PLXNA4: variants seen among roughly 807,000 people sequenced by gnomAD.
PLXNA4 encodes plexin-A4.
PLXNA4 carries 44 observed loss-of-function variants against 191.8 expected under a neutral mutation model. That is an observed-to-expected ratio of 0.23 (90% CI 0.18 to 0.29). PLXNA4 has a LOEUF of 0.29. Among genes scored for constraint, PLXNA4 ranks in the 10% least tolerant of loss-of-function variants. The pLI is 1.00. For missense variants in PLXNA4, 1,800 were observed against 2,488.8 expected (o/e 0.72, Z 5.89); for synonymous variants, 1,082 against 1,009.5 (o/e 1.07, Z -1.36).
chr7:132,513,117 T>C (rs539512830), intron 1 of PLXNA4, among the ~76,000 whole-genome samples: 2 of 152,368 alleles, frequency 1.3e-5, no homozygotes, highest in South Asian at 4.1e-4. Context: ...GACTCATTTA[T>C]AGAAGCTGAT....
At chr7:132,625,560 G>T (rs989500980) in intron 2 of PLXNA4, among the ~76,000 whole-genome samples, 2 of 152,142 alleles carry the variant, frequency 1.3e-5, no homozygotes, top group African/African-American at 4.8e-5. Flanking sequence ...GGTCTGAGAG[G>T]CAGGGTGGAG....
At chr7:132,615,300 G>A (rs1329768465) in intron 2 of PLXNA4, among the ~76,000 whole-genome samples, 1 of 152,114 alleles carries the variant, frequency 6.6e-6, no homozygotes, top group Non-Finnish European at 1.5e-5. Context: ...GGTGGCAGAG[G>A]GAGCAGGGCC....
Position 132,384,632 on chromosome 7 carries a change from C to T in PLXNA4, c.1372-86410G>A, listed in dbSNP as rs1338683669. On this transcript the variant is annotated intron_variant, in intron 3 of 31. Coordinates refer to ENST00000321063, the MANE Select transcript of PLXNA4 (RefSeq NM_020911.2). ...ACTGTTGGCTTCCTTTTCTCTTTCC[C>T]GCAGAGGCTGGGATGGTTCTGAGCA... 12 of 990,132 alleles carry T rather than the reference C, an allele frequency of 1.2e-5. 1 individual carries two copies. The Middle Eastern group carries it at 1.5e-3, about 127-fold the overall frequency. 61.3% of individuals were successfully genotyped at this position (990,132 alleles called of 1,614,324 possible).
intron 2 of PLXNA4, among the ~76,000 whole-genome samples, chr7:132,589,409 TTATA>T (rs1563188361): frequency 1.3e-5 from 2 of 152,186 alleles, no homozygotes; most frequent in African/African-American, 4.8e-5. Flanking sequence ...GAAATAATGT[TTATA>T]TATGTTCTTC....
At chr7:132,522,425 T>G (rs1165384023) in intron 1 of PLXNA4, among the ~76,000 whole-genome samples, 1 of 152,192 alleles carries the variant, frequency 6.6e-6, no homozygotes, top group Non-Finnish European at 1.5e-5. Context: ...AGTCATGCCT[T>G]TCCTCTCTCT....
At chr7:132,325,702 T>C (rs564547901) in intron 3 of PLXNA4, among the ~76,000 whole-genome samples, 1 of 152,242 alleles carries the variant, frequency 6.6e-6, no homozygotes, top group East Asian at 1.9e-4. Context: ...TGCTGACACC[T>C]TAATTTCAGA....
chr7:132,555,891 C>A (rs1214699525), intron 1 of PLXNA4, among the ~76,000 whole-genome samples: 4 of 152,166 alleles, frequency 2.6e-5, no homozygotes, highest in Admixed American at 2.6e-4. Context: ...ATGTTGGAAA[C>A]AATTTATCAG....
chr7:132,292,044 C>T (rs1800911820), intron 4 of PLXNA4, among the ~76,000 whole-genome samples: 2 of 152,200 alleles, frequency 1.3e-5, no homozygotes. Context: ...ACCTGCCCTC[C>T]TCAGCCTCCC....
rs911821057 is a variant in PLXNA4 at position 132,516,195 on chromosome 7, A to G, written c.-86-7416T>C. On this transcript the variant is annotated intron_variant, in intron 1 of 31. Transcript: ENST00000321063. ...CCCTGTTCTAAACCAGGGTTTATAA[A>G]TACTTAAAATACTCCATTTTGTCCT... Among the ~76,000 whole-genome samples the G allele has an allele frequency of 1.6e-4, 25 of 151,978 alleles. 1 individual carries two copies.
At chr7:132,226,300 G>T in intron 7 of PLXNA4, 40 bp from the exon 8 acceptor site, 1 of 1,542,818 alleles carries the variant, frequency 6.5e-7, no homozygotes, top group Non-Finnish European at 8.9e-7. Flanking sequence ...GAATGCTGAG[G>T]CCCCAAGCCA....
intron 13 of PLXNA4, among the ~76,000 whole-genome samples, chr7:132,197,230 G>T (rs1036262642): frequency 6.6e-6 from 1 of 151,860 alleles, no homozygotes; most frequent in African/African-American, 2.4e-5. Context: ...AATTTATTTT[G>T]GTGTGTAATG....
At chr7:132,555,669 C>T (rs552033075) in intron 1 of PLXNA4, among the ~76,000 whole-genome samples, 15 of 152,320 alleles carry the variant, frequency 9.8e-5, no homozygotes, top group Admixed American at 5.9e-4. Context: ...AACATGCTGA[C>T]GCCACACAGC....
intron 3 of PLXNA4, among the ~76,000 whole-genome samples, chr7:132,411,024 G>A (rs899717072): frequency 2.6e-5 from 4 of 152,154 alleles, no homozygotes; most frequent in East Asian, 1.9e-4. Context: ...GACATGATCC[G>A]GCTGTCATGG....
rs551738647 is a variant in PLXNA4 at position 132,250,248 on chromosome 7, G to A, written c.1504-9082C>T. 5.3e-5 allele frequency among the ~76,000 whole-genome samples: 8 copies of A among 152,298 alleles called. No individual in the cohort carries two copies. The East Asian group carries it at 9.7e-4, about 18-fold the overall frequency. ...CTCTGTTGTTCCAGCCTCTGCCTCC[G>A]ATAAAATGCCCCTGTGATGGGTGGT... On this transcript the variant is annotated intron_variant, in intron 4 of 31. Transcript: ENST00000321063.
intron 3 of PLXNA4, among the ~76,000 whole-genome samples, chr7:132,440,301 C>T (rs1795646589): frequency 6.6e-6 from 1 of 152,136 alleles, no homozygotes; most frequent in South Asian, 2.1e-4. Flanking sequence ...CAAATCACAC[C>T]CCATCAACAT....
chr7:132,380,083 G>C (rs982059448), intron 3 of PLXNA4, among the ~76,000 whole-genome samples: 1 of 152,176 alleles, frequency 6.6e-6, no homozygotes, highest in Non-Finnish European at 1.5e-5. Context: ...CTTGAGAATT[G>C]CTTGAGATGC....
chr7:132,555,868 A>G (rs944041082), intron 1 of PLXNA4, among the ~76,000 whole-genome samples: 1 of 152,248 alleles, frequency 6.6e-6, no homozygotes, highest in Non-Finnish European at 1.5e-5. Context: ...CTGTTTGTTA[A>G]AAAACATAAG....
chr7:132,157,678 T>G (rs1472347226), intron 25 of PLXNA4, among the ~76,000 whole-genome samples: 1 of 152,176 alleles, frequency 6.6e-6, no homozygotes, highest in Non-Finnish European at 1.5e-5. Context: ...TCCTCCCACC[T>G]GAATTGCATT....
At chr7:132,540,510 A>G (rs937167948) in intron 1 of PLXNA4, among the ~76,000 whole-genome samples, 4 of 150,030 alleles carry the variant, frequency 2.7e-5, no homozygotes, top group African/African-American at 7.4e-5. Context: ...AATTTCCCCA[A>G]AGTTCATACA....
Sources: allele counts gnomAD v4.1 joint callset (sites outside exome capture counted in the v4.1 genomes callset), GRCh38; gene constraint gnomAD v4.1.1; transcripts MANE v1.5; gene names NCBI Gene and HGNC (gene_info 2026-07-23, HGNC 2026-07-21).